Variants in CCNJL observed in about 807,000 individuals in gnomAD.
CCNJL encodes cyclin J like.
Under a neutral mutation model 33.4 loss-of-function variants are expected in CCNJL, and 33 were observed. That is an observed-to-expected ratio of 0.99 (90% confidence interval 0.75 to 1.32). CCNJL has a LOEUF of 1.32. CCNJL is among the 40% of genes most tolerant of loss of function. CCNJL has a pLI of 0.00. For missense variants in CCNJL, 512 were observed against 499.7 expected, an observed-to-expected ratio of 1.02 and a Z score of -0.23; for synonymous variants, 227 against 220.9, an observed-to-expected ratio of 1.03 and a Z score of -0.24.
upstream of CCNJL, chr5:160,312,652 G>C (rs1034214326): frequency 2.0e-5 from 3 of 151,666 alleles, no homozygotes; most frequent in African/African-American, 4.8e-5. Flanking sequence ...CCCGCGGGGC[G>C]GGGGGCTGGG....
intron 3 of CCNJL, among the ~76,000 whole-genome samples, chr5:160,272,331 G>A (rs1761866148): frequency 6.6e-6 from 1 of 152,170 alleles, no homozygotes; most frequent in Non-Finnish European, 1.5e-5. Context: ...TTTACTGGGA[G>A]GAAGACAGGC....
At chr5:160,291,309 C>T (rs200057293) in intron 2 of CCNJL, among the ~76,000 whole-genome samples, 12 of 152,044 alleles carry the variant, frequency 7.9e-5, no homozygotes, top group Admixed American at 7.2e-4. Context: ...TTCTGTGGCA[C>T]ACTAGTCCCA....
At chr5:160,315,741 C>T (rs879367890), upstream of CCNJL, among the ~76,000 whole-genome samples, 31 of 151,848 alleles carry the variant, frequency 2.0e-4, 1 homozygote, top group Non-Finnish European at 3.8e-4. Flanking sequence ...ATTTCATAAC[C>T]AGAAAAAAAG....
chr5:160,311,782 G>T, intron 2 of CCNJL, 76 bp downstream of exon 2: 1 of 1,388,818 alleles, frequency 7.2e-7, no homozygotes, highest in Admixed American at 1.7e-5. Flanking sequence ...CCACGCAGGC[G>T]ACCTGAGAAC....
rs1490550277 is a variant in CCNJL, at chr5:160,320,788, C to CCTCTTT, written n.207-5284_207-5283insAAAGAG. 3.5e-3 allele frequency among the ~76,000 whole-genome samples: 412 copies of CCTCTTT among 116,318 alleles called. 7 individuals carry two copies. Among genetic ancestry groups the CCTCTTT allele is most frequent in the African/African-American group, 0.013 (378 of 28,022 alleles). 76.3% of individuals were successfully genotyped at this position (116,318 alleles called of 152,430 possible). A position where few individuals can be genotyped will look rare whatever the true frequency, so the allele number is the denominator to read the frequency against. ...TTTTCTTTCTTTCTTTTCTTTCTTT[C>CCTCTTT]CTTTCTTTCTTTCTTTCTTTCTTTC... On this transcript the variant is annotated intron_variant and non_coding_transcript_variant, in intron 1 of 7. Coordinates refer to the CCNJL transcript ENST00000377503.
At chr5:160,301,947 C>G (rs1762937429) in intron 2 of CCNJL, among the ~76,000 whole-genome samples, 2 of 151,724 alleles carry the variant, frequency 1.3e-5, no homozygotes, top group Admixed American at 6.6e-5. Flanking sequence ...CCAGGCAGGT[C>G]TCGAACTCCT....
In CCNJL at chr5:160,255,537, G is replaced by A. The variant is rs1380758471; in HGVS notation, c.743+12C>T. ...CTATTTCAGAAACACAGGATTCAGG[G>A]GAGAAACTTACACCAGCAGGATTTC... On this transcript the variant is annotated intron_variant, in intron 5 of 5. Transcript: ENST00000257536. The A allele has an allele frequency of 6.2e-7, 1 of 1,613,498 alleles. No individual in the cohort carries two copies. The highest frequency in any genetic ancestry group is 1.1e-5 in the South Asian group (1 of 91,024).
chr5:160,292,136 G>A (rs1239178249), intron 2 of CCNJL, among the ~76,000 whole-genome samples: 4 of 152,100 alleles, frequency 2.6e-5, no homozygotes, highest in Non-Finnish European at 2.9e-5. Flanking sequence ...TTGGTAGACC[G>A]AGGCACACAC....
At position 160,253,254 on chromosome 5, in the gene CCNJL, C is replaced by CCCT; in HGVS notation, c.*121_*123dup. ...CAGTTTTATTTAAAAGGAGCACAGACCCTCCACGTTCCAAGGCTCTTCAGG... is the reference window on the plus strand; with the variant it reads ...CAGTTTTATTTAAAAGGAGCACAGACCCTCCTCCACGTTCCAAGGCTCTTCAGG... On this transcript the variant is annotated 3_prime_UTR_variant, in exon 6 of 6. Transcript: ENST00000257536. 1 of 866,492 alleles carries CCCT rather than the reference C, an allele frequency of 1.2e-6. No individual in the cohort carries two copies. The highest frequency in any genetic ancestry group is 1.7e-6 in the Non-Finnish European group (1 of 580,564). 53.7% of individuals were successfully genotyped at this position (866,492 alleles called of 1,614,324 possible). A position where few individuals can be genotyped will look rare whatever the true frequency, so the allele number is the denominator to read the frequency against.
intron 1 of CCNJL, among the ~76,000 whole-genome samples, chr5:160,320,790 T>C (rs1763431887): frequency 2.9e-5 from 1 of 34,204 alleles, no homozygotes; most frequent in Non-Finnish European, 7.2e-5. Context: ...CTTTCTTTCC[T>C]TTCTTTCTTT....
rs186473070 is a variant in CCNJL, at chr5:160,275,492, T to G, written c.280+5033A>C. Among the ~76,000 whole-genome samples the G allele has an allele frequency of 5.3e-4, 80 of 152,092 alleles. 1 individual carries two copies. The highest frequency in any genetic ancestry group is 3.3e-3 in the East Asian group (17 of 5,170). ...TCTGTACCTTTCAGGTTTTTTGTGTTTGTTTGTTTTGAGATAGGGTCTGGC... is the reference window on the plus strand; with the variant it reads ...TCTGTACCTTTCAGGTTTTTTGTGTGTGTTTGTTTTGAGATAGGGTCTGGC... On this transcript the variant is annotated intron_variant, in intron 3 of 5. Transcript: ENST00000257536.
chr5:160,261,352 T>C (rs1204720953), intron 3 of CCNJL: 2 of 152,086 alleles, frequency 1.3e-5, no homozygotes, highest in African/African-American at 4.8e-5. Flanking sequence ...TGATTGGAAA[T>C]GTACAAGACA....
intron 2 of CCNJL, among the ~76,000 whole-genome samples, chr5:160,304,964 C>G (rs924597805): frequency 6.6e-6 from 1 of 152,058 alleles, no homozygotes; most frequent in South Asian, 2.1e-4. Flanking sequence ...CAGGTGCACA[C>G]CACCACGCCC....
chr5:160,310,456 CAAT>C (rs1763226213), intron 2 of CCNJL, among the ~76,000 whole-genome samples: 1 of 152,162 alleles, frequency 6.6e-6, no homozygotes, highest in African/African-American at 2.4e-5. Flanking sequence ...GACAGCTACT[CAAT>C]GAGGTAAAAA....
chr5:160,249,345 G>A lies in CCNJL; in HGVS notation c.*4033C>T, dbSNP rs373179742. ...GGAAAAAGTTCTATTATGTTGACAT[G>A]CTTAAATATTGGTATATTGAGTATT... On this transcript the variant is annotated 3_prime_UTR_variant, in exon 6 of 6. Transcript: ENST00000257536. The A allele has an allele frequency of 6.6e-6, 1 of 152,208 alleles. No homozygotes were observed. The highest frequency in any genetic ancestry group is 1.9e-4 in the East Asian group (1 of 5,200). The allele number at this position is 152,208 out of a possible 1,614,324, so 9.4% of individuals were successfully genotyped here. A position where few individuals can be genotyped will look rare whatever the true frequency, so the allele number is the denominator to read the frequency against.
chr5:160,313,198 A>C (rs1763332114), upstream of CCNJL, among the ~76,000 whole-genome samples: 1 of 152,126 alleles, frequency 6.6e-6, no homozygotes, highest in Non-Finnish European at 1.5e-5. Flanking sequence ...TTGTCTTTTT[A>C]ATTCAATTGC....
chr5:160,274,469 A>AT (rs1761943344), intron 3 of CCNJL, among the ~76,000 whole-genome samples: 1 of 152,092 alleles, frequency 6.6e-6, no homozygotes, highest in South Asian at 2.1e-4. Context: ...AAAAAAAAAA[A>AT]CAATCTGTAG....
At chr5:160,294,130 G>A (rs893357101) in intron 2 of CCNJL, among the ~76,000 whole-genome samples, 1 of 152,178 alleles carries the variant, frequency 6.6e-6, no homozygotes, top group African/African-American at 2.4e-5. Context: ...GCAAAGAAAG[G>A]GGGAGAAAGG....
intron 1 of CCNJL, among the ~76,000 whole-genome samples, chr5:160,332,354 T>A (rs1243191380): frequency 1.3e-5 from 2 of 152,186 alleles, no homozygotes; most frequent in Non-Finnish European, 2.9e-5. Context: ...CCCTAACCAG[T>A]CGCCTTACAT....
Sources: gnomAD v4.1 joint callset for allele counts (sites outside exome capture counted in the v4.1 genomes callset) on GRCh38, gnomAD v4.1.1 for gene constraint, MANE v1.5 for transcripts, NCBI Gene and HGNC (gene_info 2026-07-23, HGNC 2026-07-21) for gene names.